SNTG2: variants seen among roughly 807,000 people sequenced by gnomAD.
The protein encoded by SNTG2 is gamma-2-syntrophin.
In SNTG2, 74 loss-of-function variants were observed where a neutral mutation model predicts 70.9. The observed-to-expected ratio is 1.04, with a 90% CI of 0.86 to 1.27. The LOEUF (loss-of-function observed/expected upper bound fraction) is 1.27, where lower values mean the gene tolerates loss of function less well. SNTG2 is among the 50% of genes most tolerant of loss of function. The probability of loss-of-function intolerance (pLI) is 0.00; values close to 1 mark genes in which losing one functional copy is unlikely to be tolerated. For missense variants in SNTG2, 717 were observed against 690.7 expected, an observed-to-expected ratio of 1.04 and a Z score of -0.43; for synonymous variants, 278 against 273.8, an observed-to-expected ratio of 1.02 and a Z score of -0.15.
chr2:1,365,479 G>A (rs990641876), intron 16 of SNTG2, among the ~76,000 whole-genome samples: 15 of 152,164 alleles, frequency 9.9e-5, no homozygotes, highest in Non-Finnish European at 1.3e-4. Context: ...GGAGGTTGGG[G>A]GCAGCTCCCA....
intron 4 of SNTG2, among the ~76,000 whole-genome samples, chr2:1,120,730 G>A (rs928684895): frequency 1.3e-5 from 2 of 152,014 alleles, no homozygotes; most frequent in African/African-American, 2.4e-5. Flanking sequence ...ATATGCATCC[G>A]ACATTGGAGT....
At chr2:1,172,228 A>G (rs1353688170) in intron 7 of SNTG2, among the ~76,000 whole-genome samples, 1 of 152,094 alleles carries the variant, frequency 6.6e-6, no homozygotes, top group Non-Finnish European at 1.5e-5. Context: ...TGATCTAACA[A>G]CAGGGCCTGC....
intron 1 of SNTG2, among the ~76,000 whole-genome samples, chr2:1,078,200 G>A (rs1012852469): frequency 6.6e-6 from 1 of 152,230 alleles, no homozygotes; most frequent in Non-Finnish European, 1.5e-5. Flanking sequence ...AGGCTGGGCT[G>A]TAGAAGCTGG....
chr2:1,349,975 T>C (rs1386202279), intron 16 of SNTG2, among the ~76,000 whole-genome samples: 1 of 152,226 alleles, frequency 6.6e-6, no homozygotes, highest in Non-Finnish European at 1.5e-5. Context: ...TAATGAATTA[T>C]AAGCTTTTTG....
intron 1 of SNTG2, among the ~76,000 whole-genome samples, chr2:1,080,477 T>C (rs1295992582): frequency 6.6e-6 from 1 of 152,228 alleles, no homozygotes; most frequent in Non-Finnish European, 1.5e-5. Flanking sequence ...GGTGTGTATG[T>C]GCCTATGTGT....
At chr2:1,071,647 T>TA (rs1663560604) in intron 1 of SNTG2, among the ~76,000 whole-genome samples, 1 of 24,384 alleles carries the variant, frequency 4.1e-5, no homozygotes, top group Non-Finnish European at 2.0e-4. Flanking sequence ...TAAAGTATAA[T>TA]AATAAAAAAA....
intron 1 of SNTG2, among the ~76,000 whole-genome samples, chr2:1,051,426 A>G (rs995162963): frequency 5.3e-5 from 8 of 152,284 alleles, no homozygotes; most frequent in African/African-American, 1.9e-4. Context: ...ATTTGTCAAC[A>G]CTTTTTTGAG....
intron 6 of SNTG2, among the ~76,000 whole-genome samples, chr2:1,152,401 G>A (rs146010458): frequency 1.9e-4 from 29 of 152,294 alleles, no homozygotes; most frequent in African/African-American, 6.3e-4. Context: ...GCATGCTGGT[G>A]TGCATATACA....
At chr2:983,002 G>A (rs903334244) in intron 1 of SNTG2, among the ~76,000 whole-genome samples, 10 of 152,016 alleles carry the variant, frequency 6.6e-5, no homozygotes, top group Admixed American at 2.6e-4. Context: ...TGGTGGTCAG[G>A]ATGAAGAAGC....
intron 1 of SNTG2, among the ~76,000 whole-genome samples, chr2:1,031,530 T>TATATATA (rs1558325836): frequency 1.9e-4 from 7 of 37,094 alleles, no homozygotes; most frequent in South Asian, 1.9e-3. Flanking sequence ...ATATATATAT[T>TATATATA]TTTTTTTTTT....
intron 1 of SNTG2, among the ~76,000 whole-genome samples, chr2:1,080,550 A>C (rs1664218763): frequency 6.6e-6 from 1 of 150,836 alleles, no homozygotes; most frequent in African/African-American, 2.4e-5. Context: ...GTGTGCATGC[A>C]TCCCTGTATG....
chr2:1,335,224 C>G (rs1558215342), intron 16 of SNTG2, among the ~76,000 whole-genome samples: 1 of 152,260 alleles, frequency 6.6e-6, no homozygotes, highest in South Asian at 2.1e-4. Context: ...ACAGATGCTC[C>G]GTAAATGTTT....
intron 14 of SNTG2, among the ~76,000 whole-genome samples, chr2:1,295,975 C>T (rs1415184668): frequency 6.6e-6 from 1 of 151,280 alleles, no homozygotes; most frequent in Non-Finnish European, 1.5e-5. Flanking sequence ...GGCTGAGTCT[C>T]CCATGTTGGG....
intron 4 of SNTG2, among the ~76,000 whole-genome samples, chr2:1,105,035 C>T (rs1011301148): frequency 4.6e-5 from 7 of 152,272 alleles, no homozygotes; most frequent in Non-Finnish European, 7.4e-5. Flanking sequence ...CCACTGGAAC[C>T]GGACCCAAGT....
At chr2:1,220,449 C>T (rs1041589056) in intron 9 of SNTG2, among the ~76,000 whole-genome samples, 3 of 152,200 alleles carry the variant, frequency 2.0e-5, no homozygotes, top group East Asian at 1.9e-4. Flanking sequence ...GACGGCATGT[C>T]GTGTGTCCCC....
chr2:1,076,499 A>T (rs1663924603), intron 1 of SNTG2, among the ~76,000 whole-genome samples: 2 of 152,212 alleles, frequency 1.3e-5, no homozygotes, highest in African/African-American at 4.8e-5. Flanking sequence ...TCACACTTTG[A>T]ATCTATAGAA....
rs1332565217 is a variant in SNTG2, at chr2:1,274,185, G to A, written c.1284+6614G>A. On this transcript the variant is annotated intron_variant, in intron 14 of 16. Coordinates refer to ENST00000308624, the MANE Select transcript of SNTG2 (RefSeq NM_018968.4). ...CTGGAACTCTCATTCACTGTTGGTG[G>A]CTGTGGAAAATGGCACACCCAGCTT... Among the ~76,000 whole-genome samples, 16 of 152,208 alleles carry A rather than the reference G, an allele frequency of 1.1e-4. 1 individual carries two copies. The highest frequency in any genetic ancestry group is 9.8e-4 in the Admixed American group (15 of 15,282).
intron 1 of SNTG2, among the ~76,000 whole-genome samples, chr2:990,505 C>T (rs187020091): frequency 4.4e-4 from 67 of 152,304 alleles, no homozygotes; most frequent in African/African-American, 1.5e-3. Context: ...CCTCTTTCTC[C>T]TATTACAGGG....
intron 8 of SNTG2, among the ~76,000 whole-genome samples, chr2:1,196,095 A>G (rs1672892235): frequency 1.3e-5 from 2 of 152,180 alleles, no homozygotes; most frequent in Admixed American, 1.3e-4. Flanking sequence ...TTATAGTTTC[A>G]GACTCCAAGT....
Sources: gnomAD v4.1 joint callset for allele counts (sites outside exome capture counted in the v4.1 genomes callset) on GRCh38, gnomAD v4.1.1 for gene constraint, MANE v1.5 for transcripts, NCBI Gene and HGNC (gene_info 2026-07-23, HGNC 2026-07-21) for gene names.